Variants in NEDD4L observed in about 807,000 individuals in gnomAD.
NEDD4L encodes the protein E3 ubiquitin-protein ligase NEDD4-like.
NEDD4L carries 54 observed loss-of-function variants against 148.9 expected under a neutral mutation model. The observed-to-expected ratio is 0.36, with a 90% CI of 0.29 to 0.45. The LOEUF is 0.45. NEDD4L is among the 20% of genes least tolerant of loss of function. NEDD4L has a pLI of 1.00. For synonymous variants in NEDD4L, 433 were observed against 440.7 expected (o/e 0.98, Z 0.22); for missense variants, 856 against 1,233.8 (o/e 0.69, Z 4.59).
At position 58,348,049 on chromosome 18, in the gene NEDD4L, A is replaced by G. The variant is rs373522323; in HGVS notation, c.1576-1488A>G. On this transcript the variant is annotated intron_variant, in intron 16 of 30. Transcript: ENST00000400345. ...ACTGCATCACCCAGGCTGGAGTACAATGGCACAATCACAGTTTACGGCTCA... is the reference window on the plus strand; with the variant it reads ...ACTGCATCACCCAGGCTGGAGTACAGTGGCACAATCACAGTTTACGGCTCA... 6.6e-5 allele frequency among the ~76,000 whole-genome samples: 10 copies of G among 152,004 alleles called. No individual in the cohort carries two copies. In the East Asian group the frequency reaches 1.3e-3, roughly 21 times the overall value.
At chr18:58,063,251 C>T (rs2082424536) in intron 1 of NEDD4L, among the ~76,000 whole-genome samples, 1 of 151,164 alleles carries the variant, frequency 6.6e-6, no homozygotes, top group East Asian at 2.0e-4. Flanking sequence ...GAGACAAGTT[C>T]GTGCTGTGTT....
intron 25 of NEDD4L, among the ~76,000 whole-genome samples, chr18:58,384,260 A>C (rs997481801): frequency 1.3e-5 from 2 of 152,248 alleles, no homozygotes; most frequent in Non-Finnish European, 2.9e-5. Context: ...GGAGCGTGTT[A>C]GAGTCTCTAC....
chr18:58,389,132 G>A lies in NEDD4L; in HGVS notation c.2595G>A (p.Gln865=). ...LGDVDVNDWR[Q]HSIYKNGYCP... ...ATGTGGATGTGAATGACTGGAGACA[G>A]CATTCTATTTACAAGAACGGCTACT... The change falls in exon 28 of 31, where the codon CAG becomes CAA. Residue 865 remains glutamine (Q), a synonymous_variant. Transcript: ENST00000400345. The A allele has an allele frequency of 6.2e-7, 1 of 1,614,028 alleles. No individual in the cohort carries two copies. The highest frequency in any genetic ancestry group is 8.5e-7 in the Non-Finnish European group (1 of 1,179,872).
intron 5 of NEDD4L, among the ~76,000 whole-genome samples, chr18:58,276,655 T>C (rs1353213050): frequency 1.3e-5 from 2 of 150,580 alleles, no homozygotes; most frequent in Non-Finnish European, 2.9e-5. Flanking sequence ...TAAATGCTAA[T>C]GTGTTTTACA....
In NEDD4L at chr18:58,366,993, T is replaced by A. The variant is rs1311671279; in HGVS notation, c.2064-753T>A. On this transcript the variant is annotated intron_variant, in intron 21 of 30. Transcript: ENST00000400345. The surrounding 1 kb of genome is among the most constrained non-coding windows in gnomAD (Gnocchi z 4.2). ...TCTTCCTGGTTGCTCTAGCCAAGAA[T>A]TGCCCAATTGATTTGTTGTTACTGA... 1.3e-5 allele frequency: 2 copies of A among 152,286 alleles called. No individual in the cohort carries two copies. The highest frequency in any genetic ancestry group is 1.3e-4 in the Admixed American group (2 of 15,288). The allele number at this position is 152,286 out of a possible 1,614,324, so 9.4% of individuals were successfully genotyped here. A position where few individuals can be genotyped will look rare whatever the true frequency, so the allele number is the denominator to read the frequency against.
At chr18:58,107,621 A>G (rs2085143643) in intron 1 of NEDD4L, among the ~76,000 whole-genome samples, 1 of 151,852 alleles carries the variant, frequency 6.6e-6, no homozygotes, top group African/African-American at 2.4e-5. Context: ...CTGGAGGCTG[A>G]GGTGGGAGGA....
rs766485355 is a variant in NEDD4L at position 58,072,872 on chromosome 18, GCACACACACACACACACA to G, written c.48+28181_48+28198del. The stretch of plus-strand genomic sequence containing the variant: ...AAAATCCTAAGGCGCGCGCGCGCGC[GCACACACACACACACACA>G]CACACACACACACACAAATCTTGAA... On this transcript the variant is annotated intron_variant, in intron 1 of 30. Transcript: ENST00000400345. Among the ~76,000 whole-genome samples, 363 of 131,610 alleles carry G rather than the reference GCACACACACACACACACA, an allele frequency of 2.8e-3. 3 individuals carry two copies. Among genetic ancestry groups the G allele is most frequent in the African/African-American group, 0.011 (329 of 31,304 alleles). The allele number at this position is 131,610 out of a possible 152,430, so 86.3% of individuals were successfully genotyped here. A position where few individuals can be genotyped will look rare whatever the true frequency, so the allele number is the denominator to read the frequency against.
chr18:58,095,679 C>A (rs1016251608), intron 1 of NEDD4L, among the ~76,000 whole-genome samples: 3 of 152,252 alleles, frequency 2.0e-5, no homozygotes, highest in Non-Finnish European at 2.9e-5. Context: ...ACATCTCTGC[C>A]AGCCCTGTAA....
At chr18:58,234,107 T>TTTC (rs60202839) in intron 2 of NEDD4L, among the ~76,000 whole-genome samples, 11 of 76,088 alleles carry the variant, frequency 1.4e-4, no homozygotes, top group Admixed American at 2.6e-4. Flanking sequence ...CTTTCTTTTC[T>TTTC]TTTCTTTTCT....
At chr18:58,244,586 C>G (rs1320343871) in intron 2 of NEDD4L, among the ~76,000 whole-genome samples, 1 of 152,204 alleles carries the variant, frequency 6.6e-6, no homozygotes, top group Non-Finnish European at 1.5e-5. Context: ...GAACTTTAAT[C>G]TAGACTACTC....
chr18:58,098,530 A>G (rs375298114), intron 1 of NEDD4L, among the ~76,000 whole-genome samples: 2 of 152,184 alleles, frequency 1.3e-5, no homozygotes, highest in Non-Finnish European at 2.9e-5. Context: ...TTGCTTGGCC[A>G]TCTTCCAGCT....
intron 2 of NEDD4L, among the ~76,000 whole-genome samples, chr18:58,213,201 C>T (rs513111): frequency 0.44 from 67,274 of 151,892 alleles, 16,291 homozygotes; most frequent in African/African-American, 0.66. Context: ...AAAAAACTAT[C>T]ATACCTTTCT....
intron 1 of NEDD4L, among the ~76,000 whole-genome samples, chr18:58,058,855 G>T (rs4461163): frequency 0.84 from 127,394 of 151,966 alleles, 53,573 homozygotes; most frequent in East Asian, 1. Flanking sequence ...AAGGATTGTT[G>T]GTTTATGTGT....
intron 30 of NEDD4L, among the ~76,000 whole-genome samples, chr18:58,395,445 A>G (rs148338672): frequency 3.3e-5 from 5 of 152,224 alleles, no homozygotes; most frequent in Admixed American, 3.3e-4. Flanking sequence ...GAGGCCATCC[A>G]TTTGTCTGAA....
intron 1 of NEDD4L, among the ~76,000 whole-genome samples, chr18:58,055,849 T>C (rs1431561088): frequency 6.6e-6 from 1 of 152,238 alleles, no homozygotes; most frequent in African/African-American, 2.4e-5. Flanking sequence ...TTCTCTGAAA[T>C]TTTTTGTGTG....
intron 2 of NEDD4L, among the ~76,000 whole-genome samples, chr18:58,211,174 A>G (rs1309126623): frequency 6.6e-6 from 1 of 152,268 alleles, no homozygotes; most frequent in Non-Finnish European, 1.5e-5. Flanking sequence ...CACTAAAGCC[A>G]TTCAATTAAA....
chr18:58,079,578 G>A lies in NEDD4L; in HGVS notation c.48+34870G>A, dbSNP rs577476378. On this transcript the variant is annotated intron_variant, in intron 1 of 30. Coordinates refer to ENST00000400345, the MANE Select transcript of NEDD4L (RefSeq NM_001144967.3). Reference sequence around the variant, plus strand: ...TCATAGCTGGGAAGTGGCAGACCTCGATGGGATGCAGGCACCCTGCCCTCT... The same window carrying A: ...TCATAGCTGGGAAGTGGCAGACCTCAATGGGATGCAGGCACCCTGCCCTCT... 1.4e-3 allele frequency among the ~76,000 whole-genome samples: 219 copies of A among 152,338 alleles called. 2 individuals are homozygous for A. The highest frequency in any genetic ancestry group is 2.4e-3 in the Non-Finnish European group (162 of 68,028).
chr18:58,067,316 A>G (rs1360176885), intron 1 of NEDD4L, among the ~76,000 whole-genome samples: 1 of 152,248 alleles, frequency 6.6e-6, no homozygotes, highest in African/African-American at 2.4e-5. Context: ...GTACATACAT[A>G]TATCTAGTAC....
intron 2 of NEDD4L, among the ~76,000 whole-genome samples, chr18:58,214,362 G>C (rs1271295834): frequency 6.6e-6 from 1 of 152,112 alleles, no homozygotes; most frequent in East Asian, 1.9e-4. Flanking sequence ...AGATTCTTAT[G>C]ACTGTGATAT....
Sources: gnomAD v4.1 joint callset for allele counts (sites outside exome capture counted in the v4.1 genomes callset) on GRCh38, gnomAD v4.1.1 for gene constraint, Gnocchi (gnomAD v3.1) non-coding constraint, MANE v1.5 for transcripts, NCBI Gene and HGNC (gene_info 2026-07-23, HGNC 2026-07-21) for gene names.